Variants in CIST1 observed in about 807,000 individuals in gnomAD.
CIST1 encodes colon, intestine and stomach enriched 1.
At chr19:18,252,416 AGAAATCAGAGAGCT>A in the CIST1 span, 1 of 399,086 alleles carries the variant, frequency 2.5e-6, no homozygotes, top group Non-Finnish European at 4.4e-6. Context: ...CGAAGGGAGA[AGAAATCAGAGAGCT>A]GACAGGTGAT....
At chr19:18,254,086 G>A in the CIST1 span, among the ~76,000 whole-genome samples, 4 of 152,166 alleles carry the variant, frequency 2.6e-5, no homozygotes, top group Admixed American at 6.5e-5. Context: ...TGGGGATGAC[G>A]GCTGAGTCTA....
the CIST1 span, among the ~76,000 whole-genome samples, chr19:18,253,877 G>A: frequency 2.6e-4 from 40 of 152,156 alleles, no homozygotes; most frequent in Admixed American, 2.4e-3. Context: ...CCAGGTGACT[G>A]GGCCTCTTAG....
At chr19:18,251,985 C>T in the CIST1 span, 14 of 398,094 alleles carry the variant, frequency 3.5e-5, no homozygotes, top group African/African-American at 1.0e-4. Context: ...GCTGTACCTC[C>T]CCCTGGTGGT....
At chr19:18,251,752 C>G in the CIST1 span, among the ~76,000 whole-genome samples, 3 of 128,092 alleles carry the variant, frequency 2.3e-5, no homozygotes, top group African/African-American at 8.0e-5. Context: ...CGCGCCCCGC[C>G]ATTTTTAGAT....
the CIST1 span, chr19:18,251,973 G>A: frequency 1.0e-5 from 4 of 397,774 alleles, no homozygotes; most frequent in East Asian, 1.4e-4. Context: ...AGCATTCTCG[G>A]GGCTGTACCT....
chr19:18,251,998 G>C, the CIST1 span: 3 of 398,382 alleles, frequency 7.5e-6, no homozygotes, highest in African/African-American at 6.2e-5. Flanking sequence ...CTGGTGGTCA[G>C]TTCCAAAACT....
chr19:18,254,933 T>C, the CIST1 span, among the ~76,000 whole-genome samples: 1 of 152,192 alleles, frequency 6.6e-6, no homozygotes. Flanking sequence ...GCAACAGATT[T>C]GAAAAGGAGC....
the CIST1 span, among the ~76,000 whole-genome samples, chr19:18,251,808 C>A: frequency 2.0e-5 from 3 of 150,564 alleles, no homozygotes; most frequent in Non-Finnish European, 4.4e-5. Flanking sequence ...GGCCCAAATA[C>A]ATAATGTATA....
At chr19:18,250,805 G>C in the CIST1 span, among the ~76,000 whole-genome samples, 1 of 143,724 alleles carries the variant, frequency 7.0e-6, no homozygotes, top group Non-Finnish European at 1.5e-5. Flanking sequence ...ACAGGGTCTT[G>C]CTCTGTCACA....
At chr19:18,250,727 C>A in the CIST1 span, among the ~76,000 whole-genome samples, 1 of 151,894 alleles carries the variant, frequency 6.6e-6, no homozygotes, top group Non-Finnish European at 1.5e-5. Context: ...CCACCTCAGC[C>A]TCCCAAGTAG....
chr19:18,252,530 C>A, the CIST1 span: 1 of 398,640 alleles, frequency 2.5e-6, no homozygotes, highest in Non-Finnish European at 4.4e-6. Context: ...TTTGAGAGGT[C>A]AAGGTGAGAG....
chr19:18,252,596 C>A, the CIST1 span: 2 of 394,172 alleles, frequency 5.1e-6, no homozygotes, highest in Non-Finnish European at 4.4e-6. Context: ...GAGACCCTCT[C>A]TCTCTCTCTT....
chr19:18,252,930 T>C, the CIST1 span, among the ~76,000 whole-genome samples: 2 of 152,178 alleles, frequency 1.3e-5, no homozygotes, highest in African/African-American at 2.4e-5. Flanking sequence ...TTTTAATTAA[T>C]TTATTTTTTT....
the CIST1 span, chr19:18,250,506 C>T: frequency 5.0e-5 from 20 of 398,556 alleles, no homozygotes; most frequent in Non-Finnish European, 8.0e-5. Flanking sequence ...GCACTGGGTC[C>T]TATTCCCCAC....
At chr19:18,255,241 T>C in the CIST1 span, 11,066 of 398,898 alleles carry the variant, frequency 0.028, 1,073 homozygotes, top group African/African-American at 0.2. The surrounding 1 kb of genome is among the most constrained non-coding windows in gnomAD (Gnocchi z 4.6). Flanking sequence ...GTATTGTAAT[T>C]CACACCAGCT....
At chr19:18,251,430 T>C in the CIST1 span, among the ~76,000 whole-genome samples, 1 of 151,330 alleles carries the variant, frequency 6.6e-6, no homozygotes, top group South Asian at 2.1e-4. Flanking sequence ...CCAGCCATTT[T>C]TATTTTATTT....
the CIST1 span, chr19:18,251,923 A>G: frequency 0.054 from 21,217 of 396,222 alleles, 3,906 homozygotes; most frequent in African/African-American, 0.39. Context: ...TAGCATGAAG[A>G]GCTTTAGACA....
the CIST1 span, among the ~76,000 whole-genome samples, chr19:18,254,837 T>G: frequency 1.3e-5 from 2 of 152,214 alleles, no homozygotes; most frequent in African/African-American, 4.8e-5. Flanking sequence ...CCACAGATGT[T>G]TGATGACCAG....
chr19:18,251,677 CG>C, the CIST1 span, among the ~76,000 whole-genome samples: 1 of 99,434 alleles, frequency 1.0e-5, no homozygotes, highest in African/African-American at 4.4e-5. Context: ...TCGTGATACA[CG>C]CCCCCCCCGC....
Sources: allele counts gnomAD v4.1 joint callset (sites outside exome capture counted in the v4.1 genomes callset), GRCh38; gene constraint gnomAD v4.1.1; non-coding constraint Gnocchi (gnomAD v3.1); transcripts MANE v1.5; gene names NCBI Gene and HGNC (gene_info 2026-07-23, HGNC 2026-07-21).